The following CNNM2 variants were observed in gnomAD, a reference collection of about 807,000 sequenced individuals.
CNNM2 encodes metal transporter CNNM2.
In CNNM2, 12 loss-of-function variants were observed where a neutral mutation model predicts 66.9. The ratio of observed to expected loss-of-function variants is 0.18; its 90% CI spans 0.11 to 0.29. CNNM2 has a LOEUF of 0.29. Among genes scored for constraint, CNNM2 ranks in the 10% least tolerant of loss-of-function variants. The pLI, the probability that CNNM2 is intolerant of heterozygous loss-of-function variation, is 1.00. For synonymous variants in CNNM2, 557 were observed against 501.8 expected (o/e 1.11, Z -1.47); for missense variants, 705 against 1,167.7 (o/e 0.60, Z 5.77).
At chr10:102,962,908 A>G (rs576227381) in intron 1 of CNNM2, among the ~76,000 whole-genome samples, 8 of 152,344 alleles carry the variant, frequency 5.3e-5, no homozygotes, top group South Asian at 2.1e-4. Flanking sequence ...ACAAATGGCC[A>G]TGGTAGTTCA....
chr10:102,944,226 C>T (rs1453575206), intron 1 of CNNM2, among the ~76,000 whole-genome samples: 1 of 151,732 alleles, frequency 6.6e-6, no homozygotes, highest in Non-Finnish European at 1.5e-5. Context: ...TTACAGGCAC[C>T]CACCACCACG....
chr10:103,005,113 C>T (rs1396776072), intron 1 of CNNM2, among the ~76,000 whole-genome samples: 1 of 151,860 alleles, frequency 6.6e-6, no homozygotes, highest in Non-Finnish European at 1.5e-5. Flanking sequence ...CGGGGTTTTT[C>T]CCTGTTGGCC....
intron 1 of CNNM2, among the ~76,000 whole-genome samples, chr10:102,936,517 CTTT>C (rs34398870): frequency 5.6e-4 from 69 of 123,756 alleles, no homozygotes; most frequent in Non-Finnish European, 5.8e-4. Flanking sequence ...AAACTCTTTG[CTTT>C]TTTTTTTTTT....
At position 103,085,686 on chromosome 10, in the gene CNNM2, T is replaced by C. The variant is rs4917995; in HGVS notation, c.*8506T>C. 1 of 152,168 alleles carries C rather than the reference T, an allele frequency of 6.6e-6. No individual in the cohort carries two copies. The highest frequency in any genetic ancestry group is 1.5e-5 in the Non-Finnish European group (1 of 68,040). The allele number at this position is 152,168 out of a possible 1,614,324, so 9.4% of individuals were successfully genotyped here. On this transcript the variant is annotated 3_prime_UTR_variant, in exon 8 of 8. Transcript: ENST00000369878. ...TGTTTTAAATTTAAATTGGAAAACA[T>C]AGATTCCTCATCCTTAAACAGAGTC...
At chr10:103,027,040 A>G (rs772971033) in intron 1 of CNNM2, among the ~76,000 whole-genome samples, 1 of 152,208 alleles carries the variant, frequency 6.6e-6, no homozygotes, top group Non-Finnish European at 1.5e-5. Context: ...AACCTTTGCA[A>G]TATCTTTAAA....
Position 103,010,469 on chromosome 10 carries a change from A to G in CNNM2, c.1622-39238A>G, listed in dbSNP as rs758726266. Reference sequence around the variant, plus strand: ...GGTGTTGAACTCATGGGCTCAAGCAATCCACCTGCCTTGGCTTCTCAAAGT... The same window carrying G: ...GGTGTTGAACTCATGGGCTCAAGCAGTCCACCTGCCTTGGCTTCTCAAAGT... On this transcript the variant is annotated intron_variant, in intron 1 of 7. Coordinates refer to ENST00000369878, the MANE Select transcript of CNNM2 (RefSeq NM_017649.5). Among the ~76,000 whole-genome samples, 37 of 151,926 alleles carry G rather than the reference A, an allele frequency of 2.4e-4. 1 individual carries two copies. Among genetic ancestry groups the G allele is most frequent in the Non-Finnish European group, 3.5e-4 (24 of 67,966 alleles).
Position 103,065,821 on chromosome 10 carries a change from T to C in CNNM2, c.2074-2808T>C, listed in dbSNP as rs12358887. ...AGTTCAGGAAGAGATGGACACGGAATTGGGGAGACATGTACCGTGGCTACT... is the reference window on the plus strand; with the variant it reads ...AGTTCAGGAAGAGATGGACACGGAACTGGGGAGACATGTACCGTGGCTACT... On this transcript the variant is annotated intron_variant, in intron 4 of 7. Coordinates refer to ENST00000369878, the MANE Select transcript of CNNM2 (RefSeq NM_017649.5). Among the ~76,000 whole-genome samples, 14,925 of 152,242 alleles carry C rather than the reference T, an allele frequency of 0.098. 996 individuals are homozygous for C. The highest frequency in any genetic ancestry group is 0.15 in the Non-Finnish European group (9,930 of 68,012).
intron 1 of CNNM2, among the ~76,000 whole-genome samples, chr10:102,971,156 G>A (rs2063540922): frequency 6.7e-6 from 1 of 149,736 alleles, no homozygotes; most frequent in African/African-American, 2.5e-5. Context: ...CTATGATTGT[G>A]CCATTTACAC....
intron 1 of CNNM2, among the ~76,000 whole-genome samples, chr10:102,967,676 A>G (rs2063485957): frequency 2.0e-5 from 3 of 152,200 alleles, no homozygotes; most frequent in Non-Finnish European, 4.4e-5. Context: ...TTGCTAGTTG[A>G]TGGGCATTTG....
chr10:102,948,869 C>A (rs554304084), intron 1 of CNNM2, among the ~76,000 whole-genome samples: 1 of 139,634 alleles, frequency 7.2e-6, no homozygotes, highest in East Asian at 2.1e-4. Flanking sequence ...ACCAACCCCC[C>A]TTTCAATGAT....
intron 1 of CNNM2, among the ~76,000 whole-genome samples, chr10:102,960,974 A>C (rs2063370086): frequency 6.7e-6 from 1 of 148,612 alleles, no homozygotes; most frequent in Non-Finnish European, 1.5e-5. Context: ...GCTCACTCCA[A>C]CCTCCGGTTT....
At chr10:102,933,977 G>A (rs968857772) in intron 1 of CNNM2, among the ~76,000 whole-genome samples, 5 of 150,942 alleles carry the variant, frequency 3.3e-5, no homozygotes, top group African/African-American at 1.2e-4. Flanking sequence ...AGGACTATAG[G>A]TTCCTGCCAC....
intron 1 of CNNM2, among the ~76,000 whole-genome samples, chr10:102,992,454 A>G (rs1330012464): frequency 1.3e-5 from 2 of 151,766 alleles, no homozygotes; most frequent in African/African-American, 2.4e-5. Context: ...TTGTATTTTT[A>G]GTAGAGATGG....
intron 1 of CNNM2, among the ~76,000 whole-genome samples, chr10:102,923,539 T>C (rs182895860): frequency 6.6e-6 from 1 of 152,290 alleles, no homozygotes; most frequent in Admixed American, 6.5e-5. Context: ...GTTTGACATT[T>C]CTATTTTACT....
intron 1 of CNNM2, among the ~76,000 whole-genome samples, chr10:102,939,688 A>C (rs1846357544): frequency 6.6e-6 from 1 of 152,192 alleles, no homozygotes; most frequent in Non-Finnish European, 1.5e-5. Flanking sequence ...ATCATAATAA[A>C]GAACTGGCGG....
chr10:102,966,990 G>GGGCT (rs1453245362), intron 1 of CNNM2, among the ~76,000 whole-genome samples: 1 of 152,128 alleles, frequency 6.6e-6, no homozygotes, highest in African/African-American at 2.4e-5. Flanking sequence ...TAGGTCCATG[G>GGGCT]GGCTACCTGG....
At position 103,054,606 on chromosome 10, in the gene CNNM2, G is replaced by GT. The variant is rs1456268674; in HGVS notation, c.1903+147dup. ...GCCACTTTTGTGTTTTGTTTTTTTT[G>GT]TTTTTTTGTTTTGTTTTGTTTTTTT... On this transcript the variant is annotated intron_variant, in intron 3 of 7. Transcript: ENST00000369878. This position sits in a 1 kb window ranked among gnomAD's most constrained non-coding sequence, Gnocchi z 5.2. 1.8e-5 allele frequency: 13 copies of GT among 723,762 alleles called. No homozygotes were observed. Among genetic ancestry groups the GT allele is most frequent in the East Asian group, 4.8e-5 (1 of 20,840 alleles). The allele number at this position is 723,762 out of a possible 1,614,324, so 44.8% of individuals were successfully genotyped here.
At chr10:102,947,561 T>C (rs999724431) in intron 1 of CNNM2, among the ~76,000 whole-genome samples, 1 of 151,380 alleles carries the variant, frequency 6.6e-6, no homozygotes, top group Non-Finnish European at 1.5e-5. Flanking sequence ...GAGATTAGCC[T>C]GGCCAATGGT....
At chr10:103,063,455 C>T (rs567657742) in intron 4 of CNNM2, among the ~76,000 whole-genome samples, 1 of 152,346 alleles carries the variant, frequency 6.6e-6, no homozygotes, top group East Asian at 1.9e-4. Flanking sequence ...GAAGTCCCGC[C>T]TTGAGCCGCA....
Sources: gnomAD v4.1 joint callset for allele counts (sites outside exome capture counted in the v4.1 genomes callset) on GRCh38, gnomAD v4.1.1 for gene constraint, Gnocchi (gnomAD v3.1) non-coding constraint, MANE v1.5 for transcripts, NCBI Gene and HGNC (gene_info 2026-07-23, HGNC 2026-07-21) for gene names.